The following NCEH1 variants were observed in gnomAD, a reference collection of about 807,000 sequenced individuals.
NCEH1 encodes the protein neutral cholesterol ester hydrolase 1.
NCEH1 carries 9 observed loss-of-function variants against 25.4 expected under a neutral mutation model. The observed-to-expected ratio is 0.35, with a 90% CI of 0.21 to 0.62. The LOEUF (loss-of-function observed/expected upper bound fraction) is 0.62, where lower values mean the gene tolerates loss of function less well. Ranked by LOEUF, NCEH1 falls within the 20% of genes least tolerant of loss-of-function variation. NCEH1 has a pLI of 0.72. For missense variants in NCEH1, 412 were observed against 501.1 expected, an observed-to-expected ratio of 0.82 and a Z score of 1.70; for synonymous variants, 200 against 199.8, an observed-to-expected ratio of 1.00 and a Z score of -0.01.
intron 1 of NCEH1, among the ~76,000 whole-genome samples, chr3:172,668,574 T>C (rs940902881): frequency 1.3e-5 from 2 of 152,010 alleles, no homozygotes; most frequent in Non-Finnish European, 2.9e-5. Context: ...CCGACTGGAA[T>C]ATTACCGTGA....
chr3:172,678,139 T>A (rs547180889), intron 1 of NCEH1, among the ~76,000 whole-genome samples: 12 of 152,334 alleles, frequency 7.9e-5, no homozygotes, highest in African/African-American at 2.9e-4. Context: ...ATGAAATGTA[T>A]CCCAAACTCT....
chr3:172,653,255 C>G (rs936868148), intron 1 of NCEH1, among the ~76,000 whole-genome samples: 18 of 152,116 alleles, frequency 1.2e-4, no homozygotes, highest in Non-Finnish European at 2.2e-4. Flanking sequence ...CGGTGGGGCA[C>G]TGGCTCCCTA....
intron 1 of NCEH1, among the ~76,000 whole-genome samples, chr3:172,681,661 G>A (rs761421492): frequency 5.9e-5 from 9 of 151,442 alleles, no homozygotes; most frequent in Admixed American, 3.9e-4. Flanking sequence ...AGGCCAAGGC[G>A]GGAGCATCAC....
intron 1 of NCEH1, among the ~76,000 whole-genome samples, chr3:172,693,919 A>T (rs917460966): frequency 2.0e-5 from 3 of 152,146 alleles, no homozygotes; most frequent in Non-Finnish European, 4.4e-5. Context: ...TTTTTTTGAG[A>T]CAGGGTCTCA....
At chr3:172,703,701 T>C (rs978629148) in intron 1 of NCEH1, among the ~76,000 whole-genome samples, 1 of 152,114 alleles carries the variant, frequency 6.6e-6, no homozygotes, top group African/African-American at 2.4e-5. Context: ...ATTAAAATAA[T>C]GAGGGTATTT....
chr3:172,651,584 A>G (rs1030153629), intron 1 of NCEH1, among the ~76,000 whole-genome samples: 2 of 151,136 alleles, frequency 1.3e-5, no homozygotes, highest in African/African-American at 2.4e-5. Flanking sequence ...TTTGAGGTAG[A>G]GTCTCGCTCT....
At chr3:172,679,650 TATA>T (rs1425717290) in intron 1 of NCEH1, among the ~76,000 whole-genome samples, 1 of 151,404 alleles carries the variant, frequency 6.6e-6, no homozygotes. Flanking sequence ...GAAATTTTCC[TATA>T]ATAAGAAACA....
intron 1 of NCEH1, among the ~76,000 whole-genome samples, chr3:172,684,426 G>A (rs1366476339): frequency 6.6e-6 from 1 of 152,116 alleles, no homozygotes; most frequent in Non-Finnish European, 1.5e-5. Flanking sequence ...GCACAAGACT[G>A]CAAACAAAAA....
At chr3:172,709,315 T>G (rs973949969) in intron 1 of NCEH1, among the ~76,000 whole-genome samples, 1 of 152,236 alleles carries the variant, frequency 6.6e-6, no homozygotes, top group Non-Finnish European at 1.5e-5. Flanking sequence ...TTCCTCTGTT[T>G]AAGTTATTGT....
chr3:172,702,204 G>A (rs149536736), intron 1 of NCEH1, among the ~76,000 whole-genome samples: 4 of 152,284 alleles, frequency 2.6e-5, no homozygotes, highest in Non-Finnish European at 4.4e-5. Context: ...CTCCTCCTTT[G>A]TCACATAAAG....
At chr3:172,701,855 A>C (rs1713713916) in intron 1 of NCEH1, among the ~76,000 whole-genome samples, 1 of 152,098 alleles carries the variant, frequency 6.6e-6, no homozygotes, top group African/African-American at 2.4e-5. Context: ...CTCTGCTAGA[A>C]GACTGTCAGT....
At chr3:172,642,074 A>C (rs234003) in intron 3 of NCEH1, among the ~76,000 whole-genome samples, 1 of 151,976 alleles carries the variant, frequency 6.6e-6, no homozygotes, top group African/African-American at 2.4e-5. Context: ...CACGGTAACT[A>C]GCACAAAACA....
rs3733022 is a variant in NCEH1 at position 172,633,215 on chromosome 3, T to G, written c.*260A>C. The G allele has an allele frequency of 7.3e-3, 3,186 of 434,552 alleles. 52 individuals carry two copies. Among genetic ancestry groups the G allele is most frequent in the East Asian group, 0.058 (1,340 of 22,924 alleles). 26.9% of individuals were successfully genotyped at this position (434,552 alleles called of 1,614,324 possible). On this transcript the variant is annotated 3_prime_UTR_variant, in exon 5 of 5. Coordinates refer to ENST00000475381, the MANE Select transcript of NCEH1 (RefSeq NM_020792.6). ...GTCCTGCTTTCTGTAGCTGTAGGTA[T>G]CAGTATAGTTGGCTAAGATAACAAG...
chr3:172,693,581 C>T (rs1025682837), intron 1 of NCEH1, among the ~76,000 whole-genome samples: 6 of 152,204 alleles, frequency 3.9e-5, no homozygotes, highest in African/African-American at 1.2e-4. Context: ...TATTTGCTCT[C>T]GAAATATGCT....
chr3:172,675,948 A>G (rs998559300), intron 1 of NCEH1, among the ~76,000 whole-genome samples: 1 of 152,180 alleles, frequency 6.6e-6, no homozygotes, highest in Non-Finnish European at 1.5e-5. Flanking sequence ...TTCGCCTAGA[A>G]GCAATTAAAC....
chr3:172,677,398 C>A (rs1022461671), intron 1 of NCEH1, among the ~76,000 whole-genome samples: 3 of 152,192 alleles, frequency 2.0e-5, no homozygotes, highest in Non-Finnish European at 4.4e-5. Flanking sequence ...CCCTTTTGTA[C>A]ACATTCACAT....
intron 1 of NCEH1, among the ~76,000 whole-genome samples, chr3:172,654,163 G>A (rs115803280): frequency 2.6e-5 from 4 of 152,220 alleles, no homozygotes; most frequent in African/African-American, 9.6e-5. Flanking sequence ...GGCATGCGCA[G>A]CACAGAAGTC....
intron 1 of NCEH1, among the ~76,000 whole-genome samples, chr3:172,702,561 C>T (rs566302605): frequency 6.6e-6 from 1 of 152,288 alleles, no homozygotes; most frequent in Non-Finnish European, 1.5e-5. Context: ...CAGACCAGCT[C>T]CTTAATATTT....
At chr3:172,691,573 A>G (rs1391485325) in intron 1 of NCEH1, among the ~76,000 whole-genome samples, 11 of 152,304 alleles carry the variant, frequency 7.2e-5, no homozygotes, top group Admixed American at 6.5e-4. Context: ...CAGAGCTTTC[A>G]GCCAGGCAGT....
Sources: allele counts gnomAD v4.1 joint callset (sites outside exome capture counted in the v4.1 genomes callset), GRCh38; gene constraint gnomAD v4.1.1; transcripts MANE v1.5; gene names NCBI Gene and HGNC (gene_info 2026-07-23, HGNC 2026-07-21).